STATH: variants seen among roughly 807,000 people sequenced by gnomAD.
STATH encodes statherin.
In STATH, 11 loss-of-function variants were observed where a neutral mutation model predicts 13.3. The observed-to-expected ratio is 0.83, with a 90% CI of 0.52 to 1.37. The LOEUF is 1.37. Among genes scored for constraint, STATH ranks in the 40% most tolerant of loss-of-function variants. STATH has a pLI of 0.00. For missense variants in STATH, 78 were observed against 73.3 expected (o/e 1.06, Z -0.24); for synonymous variants, 25 against 23.6 (o/e 1.06, Z -0.17).
chr4:70,000,204 T>G (rs1724618368), intron 4 of STATH: 1 of 181,316 alleles, frequency 5.5e-6, no homozygotes, highest in Non-Finnish European at 1.2e-5. Flanking sequence ...ATAAACTCAT[T>G]AAATTAAACA....
chr4:70,002,281 A>G lies in STATH; in HGVS notation c.*126A>G, dbSNP rs1724690034. Reference sequence around the variant, plus strand: ...CTTTTTGAAGAATCATCAAAGAGCAATGCAAATGAAAAACACTATAATTTA... The same window carrying G: ...CTTTTTGAAGAATCATCAAAGAGCAGTGCAAATGAAAAACACTATAATTTA... On this transcript the variant is annotated 3_prime_UTR_variant, in exon 6 of 6. Transcript: ENST00000246895. 2 of 151,712 alleles carry G rather than the reference A, an allele frequency of 1.3e-5. No homozygotes were observed. Among genetic ancestry groups the G allele is most frequent in the African/African-American group, 2.4e-5 (1 of 41,380 alleles). The allele number at this position is 151,712 out of a possible 1,614,324, so 9.4% of individuals were successfully genotyped here.
At chr4:69,999,917 A>G in intron 4 of STATH, 108 bp downstream of exon 4, 1 of 1,263,146 alleles carries the variant, frequency 7.9e-7, no homozygotes, top group Non-Finnish European at 1.1e-6. Context: ...TAGTAGTTGC[A>G]AAAGTGTGCT....
chr4:70,000,824 C>T (rs771672218), intron 4 of STATH, 39 bp from the exon 5 acceptor site: 2 of 1,511,126 alleles, frequency 1.3e-6, no homozygotes, highest in Non-Finnish European at 1.8e-6. Flanking sequence ...GTCATTATCT[C>T]AATTTTCTGC....
intron 2 of STATH, 101 bp from the exon 3 acceptor site, chr4:69,999,566 T>A (rs1724594726): frequency 2.6e-6 from 3 of 1,154,294 alleles, no homozygotes; most frequent in East Asian, 2.5e-5. Context: ...TTTGCCTACA[T>A]CCTGTTTACT....
chr4:69,999,745 T>C, intron 3 of STATH, 35 bp from the exon 4 acceptor site: 1 of 1,611,654 alleles, frequency 6.2e-7, no homozygotes, highest in African/African-American at 1.3e-5. Context: ...CCTACATTTG[T>C]ATTGAATTAT....
chr4:69,997,844 T>C (rs1724550416), intron 1 of STATH, among the ~76,000 whole-genome samples: 1 of 152,156 alleles, frequency 6.6e-6, no homozygotes, highest in African/African-American at 2.4e-5. Flanking sequence ...ATCTGGCTCA[T>C]TTTCAGTAAC....
intron 1 of STATH, 187 bp from the exon 2 acceptor site, chr4:69,998,236 T>G: frequency 1.8e-6 from 1 of 552,024 alleles, no homozygotes; most frequent in South Asian, 2.4e-5. Flanking sequence ...TCCATATCAA[T>G]ACACTCACTT....
At chr4:70,001,688 C>A (rs1724672440) in intron 5 of STATH, among the ~76,000 whole-genome samples, 1 of 151,770 alleles carries the variant, frequency 6.6e-6, no homozygotes, top group Admixed American at 6.6e-5. Flanking sequence ...CAAAATAGAG[C>A]AAACTCTTGG....
At chr4:69,999,936 CTCT>C in intron 4 of STATH, 127 bp downstream of exon 4, 1 of 1,086,990 alleles carries the variant, frequency 9.2e-7, no homozygotes, top group Admixed American at 2.2e-5. Context: ...CTTTGTTTTC[CTCT>C]ATTTATGATA....
At chr4:69,999,889 T>A in intron 4 of STATH, 80 bp downstream of exon 4, 3 of 1,507,332 alleles carry the variant, frequency 2.0e-6, no homozygotes, top group Non-Finnish European at 1.8e-6. Flanking sequence ...GAACCAATAC[T>A]TATTTCTCAA....
rs1483667383 is a variant in STATH, at chr4:70,000,871, T to G, written c.111T>G (p.Tyr37Ter). Residue 37 changes from tyrosine to a stop codon, truncating the protein, a stop_gained, in exon 5 of 6, where the codon TAT (tyrosine) becomes TAG (stop). Transcript: ENST00000246895. LOFTEE classifies it high-confidence loss of function. ...LRRIGRFGYG[Y>*]GPYQPVPEQP... ...TCCTTGTGTGTATACAGTATGGGTA[T>G]GGCCCTTATCAGCCAGTTCCAGAAC... 1.2e-6 allele frequency: 2 copies of G among 1,611,918 alleles called. No homozygotes were observed. Among genetic ancestry groups the G allele is most frequent in the South Asian group, 2.2e-5 (2 of 91,036 alleles).
intron 2 of STATH, 55 bp from the exon 3 acceptor site, chr4:69,999,612 A>G (rs965667017): frequency 7.0e-6 from 11 of 1,570,522 alleles, no homozygotes; most frequent in South Asian, 1.1e-5. Flanking sequence ...TTTGTACTCA[A>G]TCTGGAATTA....
In STATH at chr4:69,998,443, G is replaced by A. The variant is rs200968539; in HGVS notation, c.6G>A (p.Lys2=). 6.2e-7 allele frequency: 1 copy of A among 1,612,074 alleles called. No homozygotes were observed. The highest frequency in any genetic ancestry group is 2.2e-5 in the East Asian group (1 of 44,812). The change falls in exon 2 of 6, where the codon AAG becomes AAA. Residue 2 remains lysine, a synonymous_variant. Coordinates refer to ENST00000246895, the MANE Select transcript of STATH (RefSeq NM_003154.3). ...TTCAGAGAACCCAGCCAACTATGAA[G>A]TTCCTTGTCTTTGCCTTCATCTTGG... is the stretch of plus-strand genomic sequence containing the variant. M[K]FLVFAFILAL...
At chr4:69,999,643 T>C (rs757416119) in intron 2 of STATH, 24 bp from the exon 3 acceptor site, 2 of 1,606,020 alleles carry the variant, frequency 1.2e-6, no homozygotes, top group Non-Finnish European at 1.7e-6. Flanking sequence ...ATACTAACTA[T>C]TGTCTAATTT....
chr4:69,996,727 C>G (rs1724512224), intron 1 of STATH, among the ~76,000 whole-genome samples: 1 of 151,728 alleles, frequency 6.6e-6, no homozygotes, highest in Non-Finnish European at 1.5e-5. Context: ...TTCAGTTTAT[C>G]AAGGTTAGTA....
intron 2 of STATH, 85 bp from the exon 3 acceptor site, chr4:69,999,582 C>T (rs1030428730): frequency 2.2e-6 from 3 of 1,354,718 alleles, no homozygotes; most frequent in Non-Finnish European, 3.1e-6. Flanking sequence ...TTACTCACAA[C>T]TGTAGCTGCT....
At chr4:69,996,662 A>AT (rs952790066) in intron 1 of STATH, among the ~76,000 whole-genome samples, 1 of 151,738 alleles carries the variant, frequency 6.6e-6, no homozygotes, top group Non-Finnish European at 1.5e-5. Context: ...TTGGGGAAAT[A>AT]TTTTTTTAAA....
intron 1 of STATH, 76 bp from the exon 2 acceptor site, chr4:69,998,347 C>T (rs752169188): frequency 1.1e-5 from 11 of 1,038,970 alleles, no homozygotes; most frequent in South Asian, 1.5e-5. Flanking sequence ...TGCTTTGGAG[C>T]GTAGTATAAT....
At chr4:69,996,927 C>CTTTTTTTTTT in intron 1 of STATH, among the ~76,000 whole-genome samples, 1 of 107,588 alleles carries the variant, frequency 9.3e-6, no homozygotes, top group Non-Finnish European at 1.8e-5. Flanking sequence ...CAGAAATTTC[C>CTTTTTTTTTT]TTTTTTTTTT....
Sources: allele counts gnomAD v4.1 joint callset (sites outside exome capture counted in the v4.1 genomes callset), GRCh38; gene constraint gnomAD v4.1.1; transcripts MANE v1.5; gene names NCBI Gene and HGNC (gene_info 2026-07-23, HGNC 2026-07-21).